Variants in SORCS2 observed in about 807,000 individuals in gnomAD.
SORCS2 encodes the protein VPS10 domain-containing receptor SorCS2.
In SORCS2, 100 loss-of-function variants were observed where a neutral mutation model predicts 141.6. That is an observed-to-expected ratio of 0.71 (90% CI 0.60 to 0.83). SORCS2 has a LOEUF of 0.83. SORCS2 is among the 40% of genes least tolerant of loss of function. The pLI is 0.00. For missense variants in SORCS2, 1,646 were observed against 1,560.2 expected, an observed-to-expected ratio of 1.05 and a Z score of -0.93; for synonymous variants, 789 against 676.9, an observed-to-expected ratio of 1.17 and a Z score of -2.57.
intron 3 of SORCS2, among the ~76,000 whole-genome samples, chr4:7,620,424 A>T (rs1390581819): frequency 2.0e-5 from 3 of 152,084 alleles, no homozygotes; most frequent in Admixed American, 1.3e-4. Context: ...CACCCTGGGG[A>T]TACAGCCCTG....
At chr4:7,216,012 C>T (rs1333957910) in intron 1 of SORCS2, among the ~76,000 whole-genome samples, 1 of 152,052 alleles carries the variant, frequency 6.6e-6, no homozygotes, top group Non-Finnish European at 1.5e-5. Flanking sequence ...TTCTTTCGCT[C>T]TTTGCAATAA....
intron 1 of SORCS2, among the ~76,000 whole-genome samples, chr4:7,376,805 A>C (rs1356726554): frequency 6.6e-6 from 1 of 151,966 alleles, no homozygotes; most frequent in Non-Finnish European, 1.5e-5. Context: ...TTTGCTGCTC[A>C]TATAGTGTCT....
At position 7,676,228 on chromosome 4, in the gene SORCS2, A is replaced by G; in HGVS notation, c.1340A>G (p.Glu447Gly). 1 of 1,550,238 alleles carries G rather than the reference A, an allele frequency of 6.5e-7. No homozygotes were observed. Among genetic ancestry groups the G allele is most frequent in the Non-Finnish European group, 8.7e-7 (1 of 1,146,894 alleles). Residue 447 changes from glutamate to glycine, a missense_variant and splice_region_variant, in exon 9 of 27, where the codon GAG (glutamate) becomes GGG (glycine). Coordinates refer to ENST00000507866, the MANE Select transcript of SORCS2 (RefSeq NM_020777.3). ...GAGAGCGTGCTCATCGACATCCTGG[A>G]GGTGGGTCCAGGGTGGATGTGGGCC... The part of the protein sequence containing the change: ...AEESVLIDIL[E>G]VRGVKGVFLA...
intron 1 of SORCS2, among the ~76,000 whole-genome samples, chr4:7,316,508 T>C (rs1015018656): frequency 3.3e-5 from 5 of 152,246 alleles, no homozygotes; most frequent in Non-Finnish European, 7.3e-5. Flanking sequence ...CAGTATGTGC[T>C]CTGCAAGAGT....
chr4:7,534,921 G>T (rs73089795), intron 3 of SORCS2, among the ~76,000 whole-genome samples: 2,346 of 152,346 alleles, frequency 0.015, 75 homozygotes, highest in African/African-American at 0.054. Context: ...AGGAGGGGCT[G>T]CAGGGGTTGG....
chr4:7,422,541 A>G (rs1392289693), intron 2 of SORCS2, among the ~76,000 whole-genome samples: 1 of 152,106 alleles, frequency 6.6e-6, no homozygotes, highest in Non-Finnish European at 1.5e-5. Flanking sequence ...AGCTGGGGGC[A>G]GAGGTGGGGT....
chr4:7,498,006 C>G (rs961094748), intron 2 of SORCS2, among the ~76,000 whole-genome samples: 13 of 152,240 alleles, frequency 8.5e-5, no homozygotes, highest in Non-Finnish European at 1.6e-4. Flanking sequence ...CAGCCTGTTT[C>G]CCTGGGCTTG....
intron 1 of SORCS2, among the ~76,000 whole-genome samples, chr4:7,296,736 A>T (rs1400314275): frequency 6.6e-6 from 1 of 152,170 alleles, no homozygotes; most frequent in Non-Finnish European, 1.5e-5. Flanking sequence ...CGGGGCCAGC[A>T]CCGGGCCTGT....
intron 2 of SORCS2, among the ~76,000 whole-genome samples, chr4:7,455,059 C>CTG (rs1302058991): frequency 3.5e-5 from 3 of 85,260 alleles, no homozygotes; most frequent in African/African-American, 4.4e-5. Context: ...GGGTCAGATG[C>CTG]TGTGTTGGGG....
intron 3 of SORCS2, among the ~76,000 whole-genome samples, chr4:7,619,963 C>T (rs902394295): frequency 5.3e-5 from 8 of 152,158 alleles, no homozygotes; most frequent in African/African-American, 9.7e-5. Context: ...CACCTGGTCT[C>T]GCTCACTCTA....
chr4:7,475,202 C>T (rs1730218420), intron 2 of SORCS2, among the ~76,000 whole-genome samples: 1 of 152,076 alleles, frequency 6.6e-6, no homozygotes. Flanking sequence ...GCATAGGGTG[C>T]CGCCGTGCCT....
intron 1 of SORCS2, among the ~76,000 whole-genome samples, chr4:7,365,080 T>A (rs1376321678): frequency 6.6e-6 from 1 of 152,238 alleles, no homozygotes; most frequent in African/African-American, 2.4e-5. Context: ...GGCCAGCCCA[T>A]CACAAGGGTT....
At chr4:7,646,766 C>T (rs543284047) in intron 4 of SORCS2, among the ~76,000 whole-genome samples, 7 of 152,216 alleles carry the variant, frequency 4.6e-5, no homozygotes, top group Non-Finnish European at 1.0e-4. Context: ...GGCCTCAGAA[C>T]GGTGTGAGAA....
intron 1 of SORCS2, among the ~76,000 whole-genome samples, chr4:7,322,947 T>G (rs1718991296): frequency 6.9e-6 from 1 of 145,116 alleles, no homozygotes; most frequent in Non-Finnish European, 1.5e-5. Context: ...TGAAATCTAC[T>G]AGGGCCTTGA....
intron 2 of SORCS2, among the ~76,000 whole-genome samples, chr4:7,491,544 G>C (rs1731315006): frequency 1.3e-5 from 2 of 152,226 alleles, no homozygotes; most frequent in Admixed American, 1.3e-4. Flanking sequence ...TCCATGCAGA[G>C]GGAACACCTT....
chr4:7,633,197 G>GTGTACT (rs1213168311), intron 3 of SORCS2, among the ~76,000 whole-genome samples: 3 of 152,150 alleles, frequency 2.0e-5, no homozygotes, highest in Non-Finnish European at 4.4e-5. Context: ...TCCACCCAGA[G>GTGTACT]GGAACAGTAC....
At chr4:7,482,005 CT>C (rs1443420272) in intron 2 of SORCS2, among the ~76,000 whole-genome samples, 3,758 of 86,442 alleles carry the variant, frequency 0.043, 178 homozygotes, top group East Asian at 0.23. Context: ...ACACCCCTGG[CT>C]GCTGTTCAGA....
intron 1 of SORCS2, among the ~76,000 whole-genome samples, chr4:7,246,367 C>G (rs1378337734): frequency 6.6e-6 from 1 of 152,104 alleles, no homozygotes; most frequent in Non-Finnish European, 1.5e-5. Context: ...AGATCTCACC[C>G]AGGGCTTAAA....
At chr4:7,370,141 T>C (rs1286504985) in intron 1 of SORCS2, among the ~76,000 whole-genome samples, 1 of 152,194 alleles carries the variant, frequency 6.6e-6, no homozygotes, top group Non-Finnish European at 1.5e-5. Flanking sequence ...AGAGGCCCTT[T>C]TTTTTGCTCA....
Sources: allele counts gnomAD v4.1 joint callset (sites outside exome capture counted in the v4.1 genomes callset), GRCh38; gene constraint gnomAD v4.1.1; transcripts MANE v1.5; gene names NCBI Gene and HGNC (gene_info 2026-07-23, HGNC 2026-07-21).